The following DDR1 variants were observed in gnomAD, a reference collection of about 807,000 sequenced individuals.
DDR1 encodes discoidin domain receptor tyrosine kinase 1.
DDR1 carries 64 observed loss-of-function variants against 97.4 expected under a neutral mutation model. The ratio of observed to expected loss-of-function variants is 0.66; its 90% CI spans 0.54 to 0.81. The LOEUF is 0.81. Ranked by LOEUF, DDR1 falls within the 30% of genes least tolerant of loss-of-function variation. The pLI, the probability that DDR1 is intolerant of heterozygous loss-of-function variation, is 0.00. For missense variants in DDR1, 990 were observed against 1,259.6 expected, an observed-to-expected ratio of 0.79 and a Z score of 3.24; for synonymous variants, 458 against 503.7, an observed-to-expected ratio of 0.91 and a Z score of 1.21.
intron 1 of DDR1, among the ~76,000 whole-genome samples, chr6:30,887,932 C>G (rs1047056992): frequency 6.6e-6 from 1 of 152,134 alleles, no homozygotes; most frequent in Non-Finnish European, 1.5e-5. Flanking sequence ...TGGTGCTTCT[C>G]TCTCGAGGGA....
At chr6:30,893,026 C>G in intron 8 of DDR1, 42 bp from the exon 9 acceptor site, 1 of 1,555,178 alleles carries the variant, frequency 6.4e-7, no homozygotes, top group Non-Finnish European at 8.8e-7. Flanking sequence ...TGGGTCTCCT[C>G]CTCATTTACC....
chr6:30,898,374 C>A, intron 16 of DDR1, 67 bp downstream of exon 16: 1 of 1,154,474 alleles, frequency 8.7e-7, no homozygotes, highest in Non-Finnish European at 1.3e-6. Context: ...CCACTCACAG[C>A]CCTGGTCTCC....
In DDR1 at chr6:30,899,359, A is replaced by G. The variant is rs1792160763; in HGVS notation, c.*63A>G. 6.5e-7 allele frequency: 1 copy of G among 1,550,366 alleles called. No individual in the cohort carries two copies. The highest frequency in any genetic ancestry group is 2.3e-5 in the East Asian group (1 of 44,288). On this transcript the variant is annotated 3_prime_UTR_variant, in exon 18 of 18. Transcript: ENST00000376568. The stretch of plus-strand genomic sequence containing the variant: ...CAGGGGAAGCCAGTGACACTAAAAC[A>G]AGAGGACACAATGGCACCTCTGCCC...
chr6:30,887,709 T>G (rs1786396930), intron 1 of DDR1, among the ~76,000 whole-genome samples: 1 of 152,248 alleles, frequency 6.6e-6, no homozygotes, highest in African/African-American at 2.4e-5. Context: ...CTTACAGATT[T>G]ATGTCTTACA....
In DDR1 at chr6:30,899,329, C is replaced by T. The variant is rs1049628; in HGVS notation, c.*33C>T. ...ATCCAGCTGCCCCTCCCTCAGGGAG[C>T]GATCCAGGGGAAGCCAGTGACACTA... On this transcript the variant is annotated 3_prime_UTR_variant, in exon 18 of 18. Transcript: ENST00000376568. 357,100 of 1,584,986 alleles carry T rather than the reference C, an allele frequency of 0.23. 50,205 individuals carry two copies. The highest frequency in any genetic ancestry group is 0.58 in the East Asian group (25,742 of 44,452).
chr6:30,891,501 T>A lies in DDR1; in HGVS notation c.665+22T>A. The A allele has an allele frequency of 6.4e-7, 1 of 1,556,890 alleles. No homozygotes were observed. Among genetic ancestry groups the A allele is most frequent in the Non-Finnish European group, 8.8e-7 (1 of 1,136,014 alleles). On this transcript the variant is annotated intron_variant, in intron 6 of 17. Coordinates refer to ENST00000376568, the MANE Select transcript of DDR1 (RefSeq NM_001297654.2). This position sits in a 1 kb window ranked among gnomAD's most constrained non-coding sequence, Gnocchi z 5.3. ...GCGGGTAAGAAAGGCCCCTGCAGGA[T>A]ATGGAGTTTGGGGTGGGAGGGAGGA...
In DDR1 at chr6:30,897,690, G is replaced by C; in HGVS notation, c.2216+93G>C. 1 of 1,066,288 alleles carries C rather than the reference G, an allele frequency of 9.4e-7. No homozygotes were observed. The highest frequency in any genetic ancestry group is 1.5e-5 in the South Asian group (1 of 67,002). 66.1% of individuals were successfully genotyped at this position (1,066,288 alleles called of 1,614,324 possible). A position where few individuals can be genotyped will look rare whatever the true frequency, so the allele number is the denominator to read the frequency against. ...TCAGCCTGGAGGAAAAGAGGGGAGC[G>C]TGGGGGTGGGAAGGGAGAGAGGTTC... On this transcript the variant is annotated intron_variant, in intron 15 of 17. Transcript: ENST00000376568. This position sits in a 1 kb window ranked among gnomAD's most constrained non-coding sequence, Gnocchi z 5.2.
intron 1 of DDR1, chr6:30,885,840 G>A: frequency 7.8e-7 from 1 of 1,288,502 alleles, no homozygotes; most frequent in Non-Finnish European, 1.0e-6. Flanking sequence ...CCGTGTGTGT[G>A]TGTACAGAGC....
At chr6:30,885,251 T>C in intron 1 of DDR1, 1 of 1,532,288 alleles carries the variant, frequency 6.5e-7, no homozygotes, top group African/African-American at 1.4e-5. Context: ...AGCTTCAGGG[T>C]CCCACCCCCC....
chr6:30,885,117 GGTCA>G, intron 1 of DDR1: 18 of 1,338,992 alleles, frequency 1.3e-5, no homozygotes, highest in Non-Finnish European at 1.8e-5. Context: ...ACACCCAGTT[GGTCA>G]GTCTGGTCAC....
chr6:30,888,996 C>T lies in DDR1; in HGVS notation c.174C>T (p.Ala58=), dbSNP rs138756238. 344 of 1,612,792 alleles carry T rather than the reference C, an allele frequency of 2.1e-4. No homozygotes were observed. Among genetic ancestry groups the T allele is most frequent in the Admixed American group, 4.8e-4 (29 of 60,002 alleles). Reference sequence around the variant, plus strand: ...CCAGCTCCTGGTCAGATTCCACTGCCGCCCGCCACAGCAGGTACTTGGCAC... The same window carrying T: ...CCAGCTCCTGGTCAGATTCCACTGCTGCCCGCCACAGCAGGTACTTGGCAC... ...SASSSWSDST[A]ARHSRLESSD... The change falls in exon 3 of 18, where the codon GCC becomes GCT. Residue 58 remains alanine (A), a synonymous_variant. Coordinates refer to ENST00000376568, the MANE Select transcript of DDR1 (RefSeq NM_001297654.2). This position sits in a 1 kb window ranked among gnomAD's most constrained non-coding sequence, Gnocchi z 4.2.
chr6:30,895,307 C>T, intron 11 of DDR1, 97 bp from the exon 12 acceptor site: 1 of 800,546 alleles, frequency 1.2e-6, no homozygotes, highest in Non-Finnish European at 2.0e-6. Context: ...TGCAATCATC[C>T]CATCAGCCCT....
In DDR1 at chr6:30,897,019, C is replaced by T. The variant is rs1245107856; in HGVS notation, c.1875C>T (p.His625=). 3.7e-6 allele frequency: 6 copies of T among 1,611,512 alleles called. No individual in the cohort carries two copies. The South Asian group carries it at 6.6e-5, about 18-fold the overall frequency. ...AAACGAACTTCTTTCTCCAGGTGCA[C>T]CTGTGTGAGGTCGACAGCCCTCAAG... ...KLGEGQFGEV[H]LCEVDSPQDL... is the part of the protein sequence containing the mutation. Residue 625 remains histidine, a synonymous_variant, in exon 14 of 18, where the codon CAC becomes CAT. Coordinates refer to ENST00000376568, the MANE Select transcript of DDR1 (RefSeq NM_001297654.2). The surrounding 1 kb of genome is among the most constrained non-coding windows in gnomAD (Gnocchi z 5.2).
Position 30,889,104 on chromosome 6 carries a change from C to A in DDR1, c.188+94C>A. On this transcript the variant is annotated intron_variant, in intron 3 of 17. Transcript: ENST00000376568. The surrounding 1 kb of genome is among the most constrained non-coding windows in gnomAD (Gnocchi z 4.9). Reference sequence around the variant, plus strand: ...AACCCCTCTGCCCATGCCAGTGAAACCCCTGCAGGCTGAGGGGGCAAATGA... The same window carrying A: ...AACCCCTCTGCCCATGCCAGTGAAAACCCTGCAGGCTGAGGGGGCAAATGA... 1 of 1,581,150 alleles carries A rather than the reference C, an allele frequency of 6.3e-7. No individual in the cohort carries two copies. The highest frequency in any genetic ancestry group is 2.2e-5 in the East Asian group (1 of 44,720).
At position 30,894,241 on chromosome 6, in the gene DDR1, C is replaced by T. The variant is rs1789804979; in HGVS notation, c.1348-265C>T. The stretch of plus-strand genomic sequence containing the variant: ...CAGCCTGGGCGACAAGAGCAAAATT[C>T]CATCTCAAAAAAACAAACAAACAAA... On this transcript the variant is annotated intron_variant, in intron 10 of 17. Transcript: ENST00000376568. This position sits in a 1 kb window ranked among gnomAD's most constrained non-coding sequence, Gnocchi z 5.7. 6.6e-6 allele frequency among the ~76,000 whole-genome samples: 1 copy of T among 151,940 alleles called. No individual in the cohort carries two copies. The highest frequency in any genetic ancestry group is 6.6e-5 in the Admixed American group (1 of 15,260).
At chr6:30,895,884 C>T (rs758727315) in intron 12 of DDR1, among the ~76,000 whole-genome samples, 6 of 152,128 alleles carry the variant, frequency 3.9e-5, no homozygotes, top group Admixed American at 1.3e-4. Context: ...TCACCCCGGG[C>T]GCTTGCCCTT....
rs572386039 is a variant in DDR1, at chr6:30,890,073, T to C, written c.417+643T>C. On this transcript the variant is annotated intron_variant, in intron 4 of 17. Coordinates refer to ENST00000376568, the MANE Select transcript of DDR1 (RefSeq NM_001297654.2). This position sits in a 1 kb window ranked among gnomAD's most constrained non-coding sequence, Gnocchi z 5.0. ...TAGATGCCAAACGCGTCTCCCTGCT[T>C]CTGCCCTTTTCTGCCTGGAGTCAAA... 2.6e-5 allele frequency among the ~76,000 whole-genome samples: 4 copies of C among 152,238 alleles called. No individual in the cohort carries two copies. The highest frequency in any genetic ancestry group is 4.1e-4 in the South Asian group (2 of 4,820).
In DDR1 at chr6:30,893,301, G is replaced by A. The variant is rs1215743530; in HGVS notation, c.1225G>A (p.Ala409Thr). 6 of 1,605,712 alleles carry A rather than the reference G, an allele frequency of 3.7e-6. No homozygotes were observed. The highest frequency in any genetic ancestry group is 5.1e-6 in the Non-Finnish European group (6 of 1,179,640). Residue 409 changes from alanine to threonine, a missense_variant, in exon 10 of 18, where the codon GCC (alanine) becomes ACC (threonine). By Grantham distance (58) the Ala-to-Thr change is moderately conservative. Coordinates refer to ENST00000376568, the MANE Select transcript of DDR1 (RefSeq NM_001297654.2). ...ELEPRGQQPV[A>T]KAEGSPTAIL... is the part of the protein sequence containing the mutation. ...GGAGCCCAGAGGCCAGCAGCCCGTG[G>A]CCAAGGCCGAGGGGAGCCCGACCGC...
At position 30,897,626 on chromosome 6, in the gene DDR1, T is replaced by G; in HGVS notation, c.2216+29T>G. 2 of 1,569,932 alleles carry G rather than the reference T, an allele frequency of 1.3e-6. No homozygotes were observed. Among genetic ancestry groups the G allele is most frequent in the Non-Finnish European group, 1.7e-6 (2 of 1,151,882 alleles). On this transcript the variant is annotated intron_variant, in intron 15 of 17. Coordinates refer to ENST00000376568, the MANE Select transcript of DDR1 (RefSeq NM_001297654.2). This position sits in a 1 kb window ranked among gnomAD's most constrained non-coding sequence, Gnocchi z 5.2. ...CCTGCTTACCCAGGCTGGGCCTTGC[T>G]CAGAATTCCCCCAGGGGATCTCCTC...
Sources: gnomAD v4.1 joint callset for allele counts (sites outside exome capture counted in the v4.1 genomes callset) on GRCh38, gnomAD v4.1.1 for gene constraint, Gnocchi (gnomAD v3.1) non-coding constraint, MANE v1.5 for transcripts, NCBI Gene and HGNC (gene_info 2026-07-23, HGNC 2026-07-21) for gene names.